Variants in TENM1 observed in about 807,000 individuals in gnomAD.
TENM1 encodes the protein teneurin-1.
TENM1 carries 35 observed loss-of-function variants against 174.8 expected under a neutral mutation model. The ratio of observed to expected loss-of-function variants is 0.20; its 90% CI spans 0.15 to 0.27. TENM1 has a LOEUF of 0.27. Ranked by LOEUF, TENM1 falls within the 10% of genes least tolerant of loss-of-function variation. The pLI is 1.00. For missense variants in TENM1, 1,633 were observed against 2,130.1 expected, an observed-to-expected ratio of 0.77 and a Z score of 4.59; for synonymous variants, 781 against 798.7, an observed-to-expected ratio of 0.98 and a Z score of 0.37.
chrX:124,424,712 G>A (rs1221243261), intron 23 of TENM1, among the ~76,000 whole-genome samples: 1 of 111,441 alleles, frequency 9.0e-6, no homozygotes, highest in Non-Finnish European at 1.9e-5. Context: ...CTGGATCATG[G>A]GGGTGAAGTT....
At chrX:124,910,149 ACTATCATTTAGTG>A (rs2057812528) in intron 1 of TENM1, among the ~76,000 whole-genome samples, 1 of 112,428 alleles carries the variant, frequency 8.9e-6, no homozygotes, top group African/African-American at 3.2e-5. Context: ...TTACCTCCAC[ACTATCATTTAGTG>A]CTAACACTGC....
At chrX:124,503,065 C>T (rs1245281835) in intron 19 of TENM1, among the ~76,000 whole-genome samples, 2 of 111,444 alleles carry the variant, frequency 1.8e-5, no homozygotes, top group African/African-American at 6.5e-5. Flanking sequence ...GGAAAAATAA[C>T]CCAATGTACA....
At chrX:124,420,504 G>A in exon 25 of TENM1, 3 of 1,211,980 alleles carry the variant, frequency 2.5e-6, no homozygotes, top group Admixed American at 2.2e-5. Flanking sequence ...GCATCACGGC[G>A]AATGTGCACT....
At chrX:125,065,603 T>C in the TENM1 span, among the ~76,000 whole-genome samples, 1 of 112,461 alleles carries the variant, frequency 8.9e-6, no homozygotes, top group African/African-American at 3.2e-5. Flanking sequence ...GTATCATCAC[T>C]TACAAAAGCG....
chrX:124,526,366 T>A (rs2047975873), intron 16 of TENM1, among the ~76,000 whole-genome samples: 1 of 111,766 alleles, frequency 8.9e-6, no homozygotes, highest in Non-Finnish European at 1.9e-5. Flanking sequence ...CTCAAGACAA[T>A]AATATCAATA....
chrX:125,020,804 G>A, the TENM1 span, among the ~76,000 whole-genome samples: 1 of 111,339 alleles, frequency 9.0e-6, no homozygotes, highest in Non-Finnish European at 1.9e-5. Flanking sequence ...TTAGTTAAAT[G>A]AACTCCATTA....
At chrX:124,825,657 A>C (rs757832771) in intron 3 of TENM1, among the ~76,000 whole-genome samples, 1 of 112,103 alleles carries the variant, frequency 8.9e-6, no homozygotes, top group East Asian at 2.8e-4. Context: ...CTAATCCCCA[A>C]TTAACCACTC....
chrX:124,451,217 G>T (rs2147840232), intron 23 of TENM1, among the ~76,000 whole-genome samples: 1 of 110,083 alleles, frequency 9.1e-6, no homozygotes, highest in African/African-American at 3.3e-5. Flanking sequence ...TAGAATTGTG[G>T]TAAAATCAGA....
the TENM1 span, among the ~76,000 whole-genome samples, chrX:125,060,638 T>A: frequency 9.0e-5 from 10 of 111,042 alleles, no homozygotes; most frequent in Non-Finnish European, 1.1e-4. Context: ...AATTGAATTA[T>A]AGGGTGTCTT....
chrX:124,445,451 T>A (rs921020304), intron 23 of TENM1, among the ~76,000 whole-genome samples: 3 of 112,130 alleles, frequency 2.7e-5, no homozygotes, highest in African/African-American at 9.7e-5. Context: ...GTTCAATAGA[T>A]GTAATATATG....
At chrX:125,132,225 G>C in the TENM1 span, among the ~76,000 whole-genome samples, 6 of 111,019 alleles carry the variant, frequency 5.4e-5, no homozygotes, top group Middle Eastern at 4.7e-3. Flanking sequence ...TGGTCACATG[G>C]GGTTCTATTC....
chrX:125,097,257 C>A, the TENM1 span, among the ~76,000 whole-genome samples: 3 of 111,577 alleles, frequency 2.7e-5, no homozygotes, highest in South Asian at 7.5e-4. Context: ...TTTTTTTTAA[C>A]CCCTTTCAGG....
intron 22 of TENM1, among the ~76,000 whole-genome samples, chrX:124,468,236 C>T (rs757141896): frequency 1.8e-5 from 2 of 109,294 alleles, no homozygotes; most frequent in Middle Eastern, 4.7e-3. Flanking sequence ...AGTGCAGTGG[C>T]GTGATCTTGG....
chrX:124,788,299 C>T (rs375390990), intron 3 of TENM1, among the ~76,000 whole-genome samples: 6 of 111,084 alleles, frequency 5.4e-5, no homozygotes, highest in East Asian at 2.8e-4. Flanking sequence ...ATTATGGGAG[C>T]TACAATATGA....
At chrX:124,872,945 G>A (rs1472592293) in intron 3 of TENM1, among the ~76,000 whole-genome samples, 3 of 111,439 alleles carry the variant, frequency 2.7e-5, no homozygotes, top group African/African-American at 9.7e-5. Context: ...AATATTATTT[G>A]CAGTATAATA....
intron 4 of TENM1, among the ~76,000 whole-genome samples, chrX:124,713,112 C>T (rs1455121815): frequency 1.8e-5 from 2 of 111,676 alleles, no homozygotes; most frequent in Non-Finnish European, 3.8e-5. Context: ...AAATTCCATG[C>T]TCCGTCCACA....
At chrX:124,494,585 A>C (rs1210630151) in intron 20 of TENM1, among the ~76,000 whole-genome samples, 2 of 110,046 alleles carry the variant, frequency 1.8e-5, no homozygotes, top group Admixed American at 9.7e-5. Flanking sequence ...ATATGTATAC[A>C]TGTGCCATGC....
At chrX:124,476,950 A>C (rs1486572988) in intron 22 of TENM1, among the ~76,000 whole-genome samples, 1 of 112,410 alleles carries the variant, frequency 8.9e-6, no homozygotes, top group Non-Finnish European at 1.9e-5. Context: ...GTCCCATTAC[A>C]TTGAAGTATT....
chrX:124,603,103 G>C (rs867708302), intron 11 of TENM1, among the ~76,000 whole-genome samples: 17 of 131 alleles, frequency 0.13, no homozygotes, highest in Admixed American at 0.2. Flanking sequence ...GCTGGAGAAG[G>C]CAGAAATGTT....
Sources: allele counts gnomAD v4.1 joint callset (sites outside exome capture counted in the v4.1 genomes callset), GRCh38; gene constraint gnomAD v4.1.1; transcripts MANE v1.5; gene names NCBI Gene and HGNC (gene_info 2026-07-23, HGNC 2026-07-21).